The following ST6GALNAC3 variants were observed in gnomAD, a reference collection of about 807,000 sequenced individuals.
ST6GALNAC3 encodes alpha-N-acetylgalactosaminide alpha-2,6-sialyltransferase 3.
In ST6GALNAC3, 25 loss-of-function variants were observed where a neutral mutation model predicts 32.7. The ratio of observed to expected loss-of-function variants is 0.76; its 90% CI spans 0.56 to 1.07. The LOEUF (loss-of-function observed/expected upper bound fraction) is 1.07, where lower values mean the gene tolerates loss of function less well. ST6GALNAC3 is among the 50% of genes least tolerant of loss of function. ST6GALNAC3 has a pLI of 0.00. For synonymous variants in ST6GALNAC3, 129 were observed against 133.1 expected (o/e 0.97, Z 0.21); for missense variants, 355 against 382.4 (o/e 0.93, Z 0.60).
At chr1:76,172,376 A>G (rs1411087516) in intron 1 of ST6GALNAC3, among the ~76,000 whole-genome samples, 1 of 152,230 alleles carries the variant, frequency 6.6e-6, no homozygotes, top group Admixed American at 6.5e-5. Context: ...CCCACAGACA[A>G]TATCATATTG....
chr1:76,084,674 TAG>T lies in ST6GALNAC3; in HGVS notation c.18+9792_18+9793del, dbSNP rs1450050706. Among the ~76,000 whole-genome samples, 4 of 152,228 alleles carry T rather than the reference TAG, an allele frequency of 2.6e-5. No homozygotes were observed. In the East Asian group the frequency reaches 7.7e-4, roughly 29 times the overall value. On this transcript the variant is annotated intron_variant, in intron 1 of 4. Transcript: ENST00000328299. ...GTGCATAAATTCAGCGACATGCTAA[TAG>T]ACATATGGCCAATGGTGCTTAGAGA...
At chr1:76,623,836 G>A (rs1216383850) in intron 3 of ST6GALNAC3, among the ~76,000 whole-genome samples, 4 of 151,868 alleles carry the variant, frequency 2.6e-5, no homozygotes, top group Non-Finnish European at 4.4e-5. Context: ...GAAATGGTAC[G>A]GCTACAAGAC....
At chr1:76,254,135 C>T (rs1014302551) in intron 1 of ST6GALNAC3, among the ~76,000 whole-genome samples, 1 of 152,156 alleles carries the variant, frequency 6.6e-6, no homozygotes, top group East Asian at 1.9e-4. Flanking sequence ...TTCTGTGAAA[C>T]CTTGAAACCA....
intron 1 of ST6GALNAC3, among the ~76,000 whole-genome samples, chr1:76,299,333 A>C (rs923548355): frequency 2.0e-5 from 3 of 152,028 alleles, no homozygotes; most frequent in African/African-American, 4.8e-5. Context: ...TATATTTTCT[A>C]GTTTGTGTGC....
intron 3 of ST6GALNAC3, among the ~76,000 whole-genome samples, chr1:76,447,413 A>C (rs1217059753): frequency 6.6e-6 from 1 of 152,194 alleles, no homozygotes; most frequent in East Asian, 1.9e-4. Context: ...TTGCAGCCTG[A>C]CAATGCTGAA....
At chr1:76,145,971 A>G (rs894657641) in intron 1 of ST6GALNAC3, among the ~76,000 whole-genome samples, 1 of 152,228 alleles carries the variant, frequency 6.6e-6, no homozygotes, top group Non-Finnish European at 1.5e-5. Flanking sequence ...TAGCTTAGCA[A>G]ATGAACACAA....
At chr1:76,135,115 C>T (rs1193373004) in intron 1 of ST6GALNAC3, among the ~76,000 whole-genome samples, 1 of 151,660 alleles carries the variant, frequency 6.6e-6, no homozygotes. Flanking sequence ...GAACTCTAGC[C>T]TGGGCAATAG....
At chr1:76,393,144 C>T (rs929218011) in intron 2 of ST6GALNAC3, among the ~76,000 whole-genome samples, 2 of 152,120 alleles carry the variant, frequency 1.3e-5, no homozygotes, top group African/African-American at 2.4e-5. Flanking sequence ...AGTTAATTTT[C>T]TTTTTCAAAT....
intron 1 of ST6GALNAC3, among the ~76,000 whole-genome samples, chr1:76,140,150 C>T (rs996986705): frequency 6.6e-6 from 1 of 152,160 alleles, no homozygotes; most frequent in African/African-American, 2.4e-5. Context: ...CCTGTCTCTA[C>T]TCTCAGCTCT....
chr1:76,542,722 AATAG>A (rs1664066528), intron 3 of ST6GALNAC3, among the ~76,000 whole-genome samples: 2 of 152,284 alleles, frequency 1.3e-5, no homozygotes, highest in Non-Finnish European at 2.9e-5. Flanking sequence ...ATATCCATCT[AATAG>A]ATAGGTACAT....
intron 1 of ST6GALNAC3, among the ~76,000 whole-genome samples, chr1:76,273,966 G>A (rs948361933): frequency 1.3e-5 from 2 of 152,166 alleles, no homozygotes; most frequent in African/African-American, 4.8e-5. Context: ...GCCCACAGGT[G>A]AGAGTCCCAT....
rs1557803887 is a variant in ST6GALNAC3 at position 76,341,669 on chromosome 1, CTTTCTTTCT to C, written c.213+27673_213+27681del. Reference sequence around the variant, plus strand: ...TCTTTCTTTCTTTCTTTCTTTCTTTCTTTCTTTCTTTCCTTCTTTCTTTCTTTCTTTCTT... The same window carrying C: ...TCTTTCTTTCTTTCTTTCTTTCTTTCTTCCTTCTTTCTTTCTTTCTTTCTT... On this transcript the variant is annotated intron_variant, in intron 2 of 4. Transcript: ENST00000328299. Among the ~76,000 whole-genome samples, 228 of 144,192 alleles carry C rather than the reference CTTTCTTTCT, an allele frequency of 1.6e-3. 2 individuals carry two copies. Among genetic ancestry groups the C allele is most frequent in the Middle Eastern group, 6.9e-3 (2 of 288 alleles). 94.6% of individuals were successfully genotyped at this position (144,192 alleles called of 152,430 possible).
At chr1:76,628,597 T>G in intron 4 of ST6GALNAC3, 23 bp from the exon 5 acceptor site, 1 of 1,557,698 alleles carries the variant, frequency 6.4e-7, no homozygotes, top group Non-Finnish European at 8.6e-7. Context: ...CTTTCTCTCC[T>G]TTTCTTTTTT....
chr1:76,197,652 G>A (rs1018630169), intron 1 of ST6GALNAC3, among the ~76,000 whole-genome samples: 2 of 152,164 alleles, frequency 1.3e-5, no homozygotes, highest in African/African-American at 4.8e-5. Context: ...CACTGTCTTT[G>A]AGAAGAAGTT....
chr1:76,239,003 G>A (rs576507758), intron 1 of ST6GALNAC3, among the ~76,000 whole-genome samples: 22 of 142,912 alleles, frequency 1.5e-4, no homozygotes, highest in Non-Finnish European at 2.8e-4. Flanking sequence ...TAAGATAGAA[G>A]TGAGCACAAA....
At chr1:76,542,829 C>T (rs562377333) in intron 3 of ST6GALNAC3, among the ~76,000 whole-genome samples, 1 of 152,276 alleles carries the variant, frequency 6.6e-6, no homozygotes, top group African/African-American at 2.4e-5. Context: ...AATGAAGTGA[C>T]ACAATCCAAT....
intron 3 of ST6GALNAC3, among the ~76,000 whole-genome samples, chr1:76,582,023 C>T (rs901252605): frequency 6.6e-5 from 10 of 152,178 alleles, no homozygotes; most frequent in South Asian, 2.1e-4. Flanking sequence ...AATCTTTTTA[C>T]GCCGCTTGTC....
intron 3 of ST6GALNAC3, among the ~76,000 whole-genome samples, chr1:76,594,417 T>C (rs1297104995): frequency 6.6e-6 from 1 of 152,198 alleles, no homozygotes; most frequent in Admixed American, 6.5e-5. Flanking sequence ...AATACCTATA[T>C]TGACTTTCAA....
intron 3 of ST6GALNAC3, among the ~76,000 whole-genome samples, chr1:76,439,391 G>C (rs1176850998): frequency 1.3e-5 from 2 of 152,114 alleles, no homozygotes; most frequent in Non-Finnish European, 2.9e-5. Context: ...GTATACAAAT[G>C]AAAAAAGGAA....
Sources: allele counts gnomAD v4.1 joint callset (sites outside exome capture counted in the v4.1 genomes callset), GRCh38; gene constraint gnomAD v4.1.1; transcripts MANE v1.5; gene names NCBI Gene and HGNC (gene_info 2026-07-23, HGNC 2026-07-21).